LYZL4: variants seen among roughly 807,000 people sequenced by gnomAD.
LYZL4 encodes lysozyme-like protein 4.
A neutral mutation model predicts 17.6 loss-of-function variants in LYZL4; 13 were observed. That is an observed-to-expected ratio of 0.74 (90% confidence interval 0.48 to 1.18). The LOEUF (loss-of-function observed/expected upper bound fraction) is 1.18, where lower values mean the gene tolerates loss of function less well. Ranked by LOEUF, LYZL4 falls within the 50% of genes most tolerant of loss-of-function variation. The pLI, the probability that LYZL4 is intolerant of heterozygous loss-of-function variation, is 0.00. For synonymous variants in LYZL4, 64 were observed against 67.7 expected, an observed-to-expected ratio of 0.95 and a Z score of 0.27; for missense variants, 174 against 188.2, an observed-to-expected ratio of 0.92 and a Z score of 0.44.
the LYZL4 span, among the ~76,000 whole-genome samples, chr3:42,379,471 T>C: frequency 1.6e-4 from 25 of 152,220 alleles, no homozygotes; most frequent in Non-Finnish European, 3.5e-4. Flanking sequence ...CCTTGCCTCT[T>C]GAGAGGAGGG....
chr3:42,380,619 C>A, the LYZL4 span, among the ~76,000 whole-genome samples: 1 of 152,200 alleles, frequency 6.6e-6, no homozygotes, highest in African/African-American at 2.4e-5. Context: ...CGGAGACCAG[C>A]TTTCTAACCA....
chr3:42,371,530 T>A, the LYZL4 span, among the ~76,000 whole-genome samples: 4 of 152,184 alleles, frequency 2.6e-5, no homozygotes, highest in East Asian at 7.7e-4. Context: ...GGATGAAACA[T>A]AGCCATGATT....
At chr3:42,385,682 C>T in the LYZL4 span, among the ~76,000 whole-genome samples, 1 of 152,182 alleles carries the variant, frequency 6.6e-6, no homozygotes, top group African/African-American at 2.4e-5. Context: ...AAATGCTACC[C>T]TCACCACTTT....
intron 3 of LYZL4, among the ~76,000 whole-genome samples, chr3:42,405,126 G>A (rs1337200800): frequency 6.6e-6 from 1 of 152,086 alleles, no homozygotes; most frequent in African/African-American, 2.4e-5. Flanking sequence ...TGGGCTCACT[G>A]CAAGCTCCGC....
the LYZL4 span, among the ~76,000 whole-genome samples, chr3:42,379,580 G>C: frequency 2.0e-5 from 3 of 151,548 alleles, no homozygotes; most frequent in Non-Finnish European, 4.4e-5. Context: ...ACAAATTCCA[G>C]AAGGCCAGGA....
chr3:42,362,439 G>C, the LYZL4 span, among the ~76,000 whole-genome samples: 1 of 152,166 alleles, frequency 6.6e-6, no homozygotes, highest in Admixed American at 6.5e-5. Flanking sequence ...ACCATAGACT[G>C]GGTGCTTATA....
At chr3:42,401,293 C>T (rs1213941741) in intron 4 of LYZL4, among the ~76,000 whole-genome samples, 1 of 152,138 alleles carries the variant, frequency 6.6e-6, no homozygotes, top group Non-Finnish European at 1.5e-5. Flanking sequence ...TCACTGGAAC[C>T]TCCACCTCCC....
downstream of LYZL4, among the ~76,000 whole-genome samples, chr3:42,394,157 C>T (rs1434210390): frequency 6.6e-6 from 1 of 152,170 alleles, no homozygotes; most frequent in African/African-American, 2.4e-5. Context: ...ACTGTCTTCT[C>T]GATTTATTTT....
At position 42,397,170 on chromosome 3, in the gene LYZL4, T is replaced by C. The variant is rs1698562424; in HGVS notation, c.*95A>G. On this transcript the variant is annotated 3_prime_UTR_variant, in exon 5 of 5. Transcript: ENST00000287748. ...TTTCCATCTGGAACTCTTAAAGTGG[T>C]GAGATCATCAAAAGGATTGACTGAA... 1 of 864,916 alleles carries C rather than the reference T, an allele frequency of 1.2e-6. No individual in the cohort carries two copies. Among genetic ancestry groups the C allele is most frequent in the Non-Finnish European group, 1.8e-6 (1 of 546,840 alleles). The allele number at this position is 864,916 out of a possible 1,614,324, so 53.6% of individuals were successfully genotyped here.
chr3:42,371,900 T>C, the LYZL4 span, among the ~76,000 whole-genome samples: 17 of 152,304 alleles, frequency 1.1e-4, no homozygotes, highest in East Asian at 1.4e-3. Flanking sequence ...GGTTTTTCCA[T>C]TGGGTCTTCC....
chr3:42,394,926 T>C (rs1698531443), downstream of LYZL4, among the ~76,000 whole-genome samples: 1 of 152,218 alleles, frequency 6.6e-6, no homozygotes, highest in African/African-American at 2.4e-5. Flanking sequence ...TGAGGTCGTG[T>C]GCATTATCGT....
chr3:42,373,612 C>A, the LYZL4 span, among the ~76,000 whole-genome samples: 2 of 152,028 alleles, frequency 1.3e-5, no homozygotes, highest in African/African-American at 4.8e-5. Flanking sequence ...TTCTCATTGC[C>A]GGCAATGACT....
downstream of LYZL4, among the ~76,000 whole-genome samples, chr3:42,392,938 A>T (rs140536257): frequency 2.4e-3 from 373 of 152,318 alleles, no homozygotes; most frequent in Admixed American, 5.9e-3. Flanking sequence ...GATGAACTCA[A>T]GGAACCAAGA....
chr3:42,402,698 A>G (rs1698678073), intron 4 of LYZL4, among the ~76,000 whole-genome samples: 1 of 152,246 alleles, frequency 6.6e-6, no homozygotes, highest in Admixed American at 6.5e-5. Context: ...TCTTTAGAAA[A>G]CTGTTTGACA....
the LYZL4 span, among the ~76,000 whole-genome samples, chr3:42,376,298 G>T: frequency 2.0e-5 from 3 of 152,158 alleles, no homozygotes; most frequent in African/African-American, 7.2e-5. Flanking sequence ...GGAAGTAGAG[G>T]CTGAACATTG....
chr3:42,370,185 GCTGGA>G, the LYZL4 span, among the ~76,000 whole-genome samples: 1 of 152,130 alleles, frequency 6.6e-6, no homozygotes, highest in Non-Finnish European at 1.5e-5. Context: ...TAGCTGGCTT[GCTGGA>G]CTTCAGTATA....
rs767368483 is a variant in LYZL4 at position 42,406,846 on chromosome 3, C to G, written c.292G>C (p.Ala98Pro). 4 of 1,613,904 alleles carry G rather than the reference C, an allele frequency of 2.5e-6. No individual in the cohort carries two copies. The East Asian group carries it at 8.9e-5, about 36-fold the overall frequency. Residue 98 changes from alanine to proline, a missense_variant and splice_region_variant, in exon 3 of 5, where the codon GCT becomes CCT. Coordinates refer to ENST00000287748, the MANE Select transcript of LYZL4 (RefSeq NM_144634.4). Reference protein sequence around the residue: ...GRNRCHMSCSALLNPNLEKTI... With the variant: ...GRNRCHMSCSPLLNPNLEKTI... ...GCACGGAATGGAAAGAGGGACTTAC[C>G]GGAACATGACATATGGCAGCGGTTC...
At chr3:42,368,623 T>C in the LYZL4 span, among the ~76,000 whole-genome samples, 4 of 152,314 alleles carry the variant, frequency 2.6e-5, no homozygotes, top group South Asian at 8.3e-4. Flanking sequence ...CTATCAATAA[T>C]GCTATGAGAA....
chr3:42,406,656 C>T (rs1272494061), intron 3 of LYZL4, among the ~76,000 whole-genome samples, 190 bp downstream of exon 3: 1 of 152,018 alleles, frequency 6.6e-6, no homozygotes, highest in Admixed American at 6.6e-5. Context: ...CTGCCTGACT[C>T]CCCACAGCCT....
Sources: gnomAD v4.1 joint callset for allele counts (sites outside exome capture counted in the v4.1 genomes callset) on GRCh38, gnomAD v4.1.1 for gene constraint, MANE v1.5 for transcripts, NCBI Gene and HGNC (gene_info 2026-07-23, HGNC 2026-07-21) for gene names.